The following GRID2 variants were observed in gnomAD, a reference collection of about 807,000 sequenced individuals.
GRID2 encodes glutamate receptor ionotropic, delta-2.
GRID2 carries 33 observed loss-of-function variants against 114.8 expected under a neutral mutation model. The ratio of observed to expected loss-of-function variants is 0.29; its 90% CI spans 0.22 to 0.38. The LOEUF (loss-of-function observed/expected upper bound fraction) is 0.38, where lower values mean the gene tolerates loss of function less well. Ranked by LOEUF, GRID2 falls within the 10% of genes least tolerant of loss-of-function variation. The pLI is 1.00. For missense variants in GRID2, 1,184 were observed against 1,257.7 expected (o/e 0.94, Z 0.89); for synonymous variants, 505 against 449.9 (o/e 1.12, Z -1.55).
At chr4:93,670,634 T>C (rs1156625644) in intron 14 of GRID2, among the ~76,000 whole-genome samples, 1 of 152,188 alleles carries the variant, frequency 6.6e-6, no homozygotes, top group African/African-American at 2.4e-5. Flanking sequence ...CTACGGTGCA[T>C]CAGTGTCTGC....
At chr4:92,472,400 T>A (rs949496106) in intron 1 of GRID2, among the ~76,000 whole-genome samples, 2 of 152,168 alleles carry the variant, frequency 1.3e-5, no homozygotes, top group African/African-American at 4.8e-5. Context: ...CATTTACACT[T>A]AAGTCTGTAT....
At chr4:92,901,445 TTTAC>T (rs1403439426) in intron 2 of GRID2, among the ~76,000 whole-genome samples, 1 of 152,172 alleles carries the variant, frequency 6.6e-6, no homozygotes, top group African/African-American at 2.4e-5. Flanking sequence ...AGGTTGTCTA[TTTAC>T]TCTATGATTA....
intron 13 of GRID2, among the ~76,000 whole-genome samples, chr4:93,522,006 G>A (rs2149499535): frequency 6.6e-6 from 1 of 152,238 alleles, no homozygotes; most frequent in Admixed American, 6.5e-5. Context: ...TATATTGATG[G>A]GAGTATGCAA....
intron 13 of GRID2, among the ~76,000 whole-genome samples, chr4:93,581,731 G>A (rs1197609151): frequency 6.6e-6 from 1 of 151,994 alleles, no homozygotes; most frequent in African/African-American, 2.4e-5. Flanking sequence ...GAAATATCCT[G>A]CATATCTCTA....
intron 3 of GRID2, among the ~76,000 whole-genome samples, chr4:93,101,461 T>C (rs1020817214): frequency 6.6e-6 from 1 of 152,070 alleles, no homozygotes; most frequent in African/African-American, 2.4e-5. Context: ...CAGTCTGCTC[T>C]CTATCTTCAT....
chr4:92,519,452 C>T (rs567132412), intron 1 of GRID2, among the ~76,000 whole-genome samples: 3 of 151,586 alleles, frequency 2.0e-5, no homozygotes, highest in South Asian at 2.1e-4. Flanking sequence ...AAGTAATTCA[C>T]CTAGAAAACG....
intron 13 of GRID2, among the ~76,000 whole-genome samples, chr4:93,580,832 C>A (rs1736906934): frequency 7.0e-6 from 1 of 142,546 alleles, no homozygotes; most frequent in African/African-American, 2.6e-5. Context: ...AACCCCCATA[C>A]CACAAAATAA....
chr4:93,709,637 G>C (rs1728311585), intron 14 of GRID2, among the ~76,000 whole-genome samples: 1 of 152,180 alleles, frequency 6.6e-6, no homozygotes, highest in Non-Finnish European at 1.5e-5. Flanking sequence ...GGTTTGGAAA[G>C]ATCTGCGTTA....
intron 2 of GRID2, among the ~76,000 whole-genome samples, chr4:92,801,315 TA>T (rs564567085): frequency 2.5e-4 from 38 of 151,970 alleles, no homozygotes; most frequent in Non-Finnish European, 4.7e-4. Flanking sequence ...TTCACAATAT[TA>T]TGCTAAGTTT....
chr4:92,957,254 T>C lies in GRID2; in HGVS notation c.245-127741T>C, dbSNP rs569813324. ...CCCAAGGTCATATGATTTTTTTTTCTATGTTATGTTGTAGGAGTTTAATAT... is the reference window on the plus strand; with the variant it reads ...CCCAAGGTCATATGATTTTTTTTTCCATGTTATGTTGTAGGAGTTTAATAT... On this transcript the variant is annotated intron_variant, in intron 2 of 15. Coordinates refer to ENST00000282020, the MANE Select transcript of GRID2 (RefSeq NM_001510.4). Among the ~76,000 whole-genome samples the C allele has an allele frequency of 2.6e-5, 4 of 152,244 alleles. No individual in the cohort carries two copies. The East Asian group carries it at 7.7e-4, about 29-fold the overall frequency.
chr4:93,248,193 C>G (rs1748421845), intron 8 of GRID2, among the ~76,000 whole-genome samples: 1 of 152,172 alleles, frequency 6.6e-6, no homozygotes, highest in South Asian at 2.1e-4. Flanking sequence ...GTTTCAGCCA[C>G]TAGTGGTAAC....
At chr4:93,035,295 A>G (rs1054347838) in intron 2 of GRID2, among the ~76,000 whole-genome samples, 4 of 151,848 alleles carry the variant, frequency 2.6e-5, no homozygotes, top group African/African-American at 9.7e-5. Context: ...GTATTTTTAT[A>G]TGAAATGGGT....
chr4:93,153,962 A>G (rs1458883301), intron 4 of GRID2, among the ~76,000 whole-genome samples: 3 of 152,046 alleles, frequency 2.0e-5, no homozygotes, highest in Admixed American at 2.0e-4. Context: ...ACTAGTATGT[A>G]TACCTCTGAC....
intron 11 of GRID2, among the ~76,000 whole-genome samples, chr4:93,477,532 G>C (rs1022162258): frequency 1.3e-5 from 2 of 152,072 alleles, no homozygotes; most frequent in Admixed American, 6.6e-5. Context: ...AGCTTGTTTA[G>C]AAACACTCTC....
intron 2 of GRID2, among the ~76,000 whole-genome samples, chr4:92,871,375 T>G (rs546041043): frequency 6.6e-6 from 1 of 152,308 alleles, no homozygotes; most frequent in East Asian, 1.9e-4. Context: ...TCAGATTTTT[T>G]ATTTTGTTTT....
At chr4:93,683,370 G>A (rs1270116180) in intron 14 of GRID2, among the ~76,000 whole-genome samples, 1 of 152,018 alleles carries the variant, frequency 6.6e-6, no homozygotes, top group Non-Finnish European at 1.5e-5. Context: ...TTCAGTCTTT[G>A]ACTGGAATTC....
At chr4:92,400,951 C>T (rs966645396) in intron 1 of GRID2, among the ~76,000 whole-genome samples, 2 of 152,028 alleles carry the variant, frequency 1.3e-5, no homozygotes, top group Non-Finnish European at 2.9e-5. Flanking sequence ...ATCTTTTTAT[C>T]GTTAACATGT....
At chr4:92,649,330 T>G (rs1731811919) in intron 2 of GRID2, among the ~76,000 whole-genome samples, 1 of 150,108 alleles carries the variant, frequency 6.7e-6, no homozygotes, top group African/African-American at 2.5e-5. Flanking sequence ...GAGGCAATGT[T>G]GTAACTCCAA....
intron 14 of GRID2, among the ~76,000 whole-genome samples, chr4:93,648,855 G>GT (rs11448130): frequency 0.18 from 27,053 of 151,672 alleles, 2,772 homozygotes; most frequent in Middle Eastern, 0.35. Context: ...TTTTTACCAT[G>GT]TTTTTTGGAT....
Sources: gnomAD v4.1 joint callset for allele counts (sites outside exome capture counted in the v4.1 genomes callset) on GRCh38, gnomAD v4.1.1 for gene constraint, MANE v1.5 for transcripts, NCBI Gene and HGNC (gene_info 2026-07-23, HGNC 2026-07-21) for gene names.